The following RCAN3 variants were observed in gnomAD, a reference collection of about 807,000 sequenced individuals.
RCAN3 encodes the protein regulator of calcineurin 3.
Under a neutral mutation model 21.9 loss-of-function variants are expected in RCAN3, and 19 were observed. The observed-to-expected ratio is 0.87, with a 90% CI of 0.61 to 1.27. RCAN3 has a LOEUF of 1.27. Among genes scored for constraint, RCAN3 ranks in the 50% most tolerant of loss-of-function variants. RCAN3 has a pLI of 0.00. For synonymous variants in RCAN3, 114 were observed against 112.3 expected (o/e 1.01, Z -0.09); for missense variants, 240 against 300.1 (o/e 0.80, Z 1.48).
intron 2 of RCAN3, among the ~76,000 whole-genome samples, chr1:24,516,308 AAAT>A (rs1283805848): frequency 1.3e-5 from 2 of 152,108 alleles, no homozygotes; most frequent in African/African-American, 4.8e-5. Flanking sequence ...CCATAAAATA[AAAT>A]AATAATAATA....
At chr1:24,517,766 G>T (rs1648460037) in intron 2 of RCAN3, among the ~76,000 whole-genome samples, 1 of 152,220 alleles carries the variant, frequency 6.6e-6, no homozygotes, top group African/African-American at 2.4e-5. Context: ...GCCAAGGCAA[G>T]AGGATCGCTT....
At position 24,540,760 on chromosome 1, in the gene RCAN3, G is replaced by A. The variant is rs1001304973; in HGVS notation, c.*5483G>A. The stretch of plus-strand genomic sequence containing the variant: ...TATTTTGGGGCATGTTACCTTTATG[G>A]TATATAAGCTGTAGTGCATACTCTT... On this transcript the variant is annotated 3_prime_UTR_variant, in exon 5 of 5. Transcript: ENST00000374395. 3 of 152,130 alleles carry A rather than the reference G, an allele frequency of 2.0e-5. No individual in the cohort carries two copies. Among genetic ancestry groups the A allele is most frequent in the African/African-American group, 7.2e-5 (3 of 41,428 alleles). 9.4% of individuals were successfully genotyped at this position (152,130 alleles called of 1,614,324 possible). A position where few individuals can be genotyped will look rare whatever the true frequency, so the allele number is the denominator to read the frequency against.
chr1:24,531,195 G>A, intron 2 of RCAN3, 23 bp from the exon 3 acceptor site: 1 of 1,397,714 alleles, frequency 7.2e-7, no homozygotes, highest in Non-Finnish European at 9.4e-7. Context: ...CCTTCCCTTT[G>A]CCTTGCTGCT....
chr1:24,523,003 A>T (rs1188859054), intron 2 of RCAN3, among the ~76,000 whole-genome samples: 2 of 152,160 alleles, frequency 1.3e-5, no homozygotes, highest in Non-Finnish European at 2.9e-5. Flanking sequence ...TTTGTTGGTC[A>T]AAAGTGGTCA....
At chr1:24,520,448 A>G (rs2148901365) in intron 2 of RCAN3, among the ~76,000 whole-genome samples, 1 of 152,284 alleles carries the variant, frequency 6.6e-6, no homozygotes, top group South Asian at 2.1e-4. Flanking sequence ...TATGGACTGG[A>G]AAACTTAATA....
intron 1 of RCAN3, among the ~76,000 whole-genome samples, chr1:24,504,457 C>CG (rs1647290752): frequency 8.8e-6 from 1 of 113,822 alleles, no homozygotes; most frequent in Non-Finnish European, 1.7e-5. Context: ...CATGAGCCAC[C>CG]GCACCCAGCC....
chr1:24,526,315 T>C (rs1416499328), intron 2 of RCAN3, among the ~76,000 whole-genome samples: 2 of 152,030 alleles, frequency 1.3e-5, no homozygotes, highest in Non-Finnish European at 2.9e-5. Context: ...TGGTCTCAAG[T>C]TCCTGGCATC....
Position 24,533,126 on chromosome 1 carries a change from CG to C in RCAN3, c.414del (p.Gln140SerfsTer28). The C allele has an allele frequency of 6.4e-7, 1 of 1,565,084 alleles. No homozygotes were observed. The highest frequency in any genetic ancestry group is 1.2e-5 in the South Asian group (1 of 83,802). The part of the protein sequence containing the change: ...GEVRDKSYLL[P>X]PQPVKQFLIS... Reference sequence around the variant, plus strand: ...GTGCGGGACAAGTCCTATCTCCTGCCGCCCCAGCCTGTCAAGCAGTTCCTCA... The same window carrying C: ...GTGCGGGACAAGTCCTATCTCCTGCCCCCCAGCCTGTCAAGCAGTTCCTCA... On this transcript the variant is annotated frameshift_variant, in exon 4 of 5. Transcript: ENST00000374395. LOFTEE classifies it high-confidence loss of function.
At position 24,525,578 on chromosome 1, in the gene RCAN3, G is replaced by A. The variant is rs1649192313; in HGVS notation, c.196-5640G>A. On this transcript the variant is annotated intron_variant, in intron 2 of 4. Coordinates refer to ENST00000374395, the MANE Select transcript of RCAN3 (RefSeq NM_013441.4). The surrounding 1 kb of genome is among the most constrained non-coding windows in gnomAD (Gnocchi z 4.1). Reference sequence around the variant, plus strand: ...TTATCTTTTCTCAAATAAATATGCGGCCATCACCCAACAGGATGATGTTAA... The same window carrying A: ...TTATCTTTTCTCAAATAAATATGCGACCATCACCCAACAGGATGATGTTAA... Among the ~76,000 whole-genome samples, 1 of 152,144 alleles carries A rather than the reference G, an allele frequency of 6.6e-6. No homozygotes were observed. The highest frequency in any genetic ancestry group is 1.5e-5 in the Non-Finnish European group (1 of 68,044).
intron 1 of RCAN3, among the ~76,000 whole-genome samples, chr1:24,504,669 A>G (rs1647299733): frequency 6.6e-6 from 1 of 152,192 alleles, no homozygotes; most frequent in South Asian, 2.1e-4. Context: ...GAAATCCATT[A>G]GCCTGAAGCC....
chr1:24,521,074 A>C (rs1374400070), intron 2 of RCAN3, among the ~76,000 whole-genome samples: 2 of 152,198 alleles, frequency 1.3e-5, no homozygotes, highest in African/African-American at 4.8e-5. Flanking sequence ...AAGCCATGGT[A>C]ATCAAAACAG....
At chr1:24,511,838 T>C (rs1647913017) in intron 1 of RCAN3, among the ~76,000 whole-genome samples, 1 of 152,156 alleles carries the variant, frequency 6.6e-6, no homozygotes, top group African/African-American at 2.4e-5. Context: ...GTGGGATGCC[T>C]GTTGGGAAGC....
At chr1:24,515,237 T>A (rs760944844) in intron 2 of RCAN3, among the ~76,000 whole-genome samples, 9 of 151,884 alleles carry the variant, frequency 5.9e-5, no homozygotes, top group Non-Finnish European at 1.2e-4. Context: ...TACTTGGGAG[T>A]GCATTCACAA....
In RCAN3 at chr1:24,531,358, C is replaced by A. The variant is rs1341809665; in HGVS notation, c.336C>A (p.Phe112Leu). The A allele has an allele frequency of 8.7e-6, 14 of 1,613,490 alleles. No individual in the cohort carries two copies. The highest frequency in any genetic ancestry group is 1.1e-5 in the Non-Finnish European group (13 of 1,179,754). ...GAATAGAACTCCACGAAACAGACTT[C>A]AATGGGCAGAAGCTAAAGCTATATT... ...RARIELHETDFNGQKLKLYFA... is the reference protein window; with the variant it reads ...RARIELHETDLNGQKLKLYFA... The change falls in exon 3 of 5, where the codon TTC becomes TTA. Residue 112 changes from phenylalanine to leucine, a missense_variant. Physicochemically the swap from Phe to Leu is conservative, Grantham distance 22. Coordinates refer to ENST00000374395, the MANE Select transcript of RCAN3 (RefSeq NM_013441.4).
In RCAN3 at chr1:24,531,325, A is replaced by T. The variant is rs754900998; in HGVS notation, c.303A>T (p.Ala101=). Residue 101 remains alanine (A), a synonymous_variant, in exon 3 of 5, where the codon GCA becomes GCT. Coordinates refer to ENST00000374395, the MANE Select transcript of RCAN3 (RefSeq NM_013441.4). The part of the protein sequence containing the change: ...RINFSKPEAA[A]RARIELHETD... ...ATTTCAGCAAACCTGAAGCGGCAGC[A>T]AGAGCGCGAATAGAACTCCACGAAA... 1 of 1,614,026 alleles carries T rather than the reference A, an allele frequency of 6.2e-7. No individual in the cohort carries two copies. The highest frequency in any genetic ancestry group is 8.5e-7 in the Non-Finnish European group (1 of 1,179,950).
intron 1 of RCAN3, among the ~76,000 whole-genome samples, chr1:24,512,942 A>C (rs1175456622): frequency 6.6e-6 from 1 of 152,188 alleles, no homozygotes; most frequent in African/African-American, 2.4e-5. Context: ...TATTTTTTAA[A>C]GTTTGGAAAA....
Position 24,535,084 on chromosome 1 carries a change from C to T in RCAN3, c.542-9C>T. ...GCTTTTGTCATGGTTATTTTGTTTG[C>T]CTCTGCAGGAGAGAAATATGAACTT... On this transcript the variant is annotated splice_polypyrimidine_tract_variant and intron_variant, in intron 4 of 4. Coordinates refer to ENST00000374395, the MANE Select transcript of RCAN3 (RefSeq NM_013441.4). 1 of 1,593,622 alleles carries T rather than the reference C, an allele frequency of 6.3e-7. No homozygotes were observed. The highest frequency in any genetic ancestry group is 8.5e-7 in the Non-Finnish European group (1 of 1,173,008).
rs1217235867 is a variant in RCAN3 at position 24,535,115 on chromosome 1, G to A, written c.564G>A (p.Ala188=). 1.3e-6 allele frequency: 2 copies of A among 1,595,324 alleles called. No homozygotes were observed. Among genetic ancestry groups the A allele is most frequent in the Non-Finnish European group, 1.7e-6 (2 of 1,173,618 alleles). Reference sequence around the variant, plus strand: ...CAGGAGAGAAATATGAACTTCACGCGGGAACAGAGTCGACACCCAGCGTGG... The same window carrying A: ...CAGGAGAGAAATATGAACTTCACGCAGGAACAGAGTCGACACCCAGCGTGG... ...LGPGEKYELH[A]GTESTPSVVV... Residue 188 remains alanine (A), a synonymous_variant, in exon 5 of 5, where the codon GCG becomes GCA. Coordinates refer to ENST00000374395, the MANE Select transcript of RCAN3 (RefSeq NM_013441.4).
At chr1:24,516,105 C>T (rs1299786972) in intron 2 of RCAN3, among the ~76,000 whole-genome samples, 2 of 151,568 alleles carry the variant, frequency 1.3e-5, no homozygotes, top group African/African-American at 2.4e-5. Flanking sequence ...ATTGCGCCAG[C>T]GTACTCCAGC....
Sources: allele counts gnomAD v4.1 joint callset (sites outside exome capture counted in the v4.1 genomes callset), GRCh38; gene constraint gnomAD v4.1.1; non-coding constraint Gnocchi (gnomAD v3.1); transcripts MANE v1.5; gene names NCBI Gene and HGNC (gene_info 2026-07-23, HGNC 2026-07-21).